Variants in SLC18A2 observed in about 807,000 individuals in gnomAD.
SLC18A2 encodes the protein synaptic vesicular amine transporter.
A neutral mutation model predicts 59.2 loss-of-function variants in SLC18A2; 33 were observed. The ratio of observed to expected loss-of-function variants is 0.56; its 90% CI spans 0.42 to 0.75. The LOEUF (loss-of-function observed/expected upper bound fraction) is 0.75, where lower values mean the gene tolerates loss of function less well. SLC18A2 is among the 30% of genes least tolerant of loss of function. The pLI, the probability that SLC18A2 is intolerant of heterozygous loss-of-function variation, is 0.00. For synonymous variants in SLC18A2, 228 were observed against 253.5 expected (o/e 0.90, Z 0.95); for missense variants, 569 against 668.6 (o/e 0.85, Z 1.64).
intron 15 of SLC18A2, among the ~76,000 whole-genome samples, chr10:117,273,522 C>T (rs1844450649): frequency 6.6e-6 from 1 of 152,158 alleles, no homozygotes; most frequent in Non-Finnish European, 1.5e-5. Context: ...GATAGTTGTT[C>T]CATAAAGCCC....
At chr10:117,242,978 C>T (rs149461310) in intron 2 of SLC18A2, among the ~76,000 whole-genome samples, 10,051 of 152,212 alleles carry the variant, frequency 0.066, 491 homozygotes, top group Admixed American at 0.16. Context: ...GTGATCTACC[C>T]GCCTCGACCT....
At chr10:117,258,992 C>T (rs1031682487) in intron 10 of SLC18A2, among the ~76,000 whole-genome samples, 1 of 152,132 alleles carries the variant, frequency 6.6e-6, no homozygotes, top group African/African-American at 2.4e-5. Context: ...CTTCCTAATA[C>T]AGTAGATGGG....
chr10:117,267,846 A>G, intron 13 of SLC18A2, 110 bp downstream of exon 13: 1 of 798,164 alleles, frequency 1.3e-6, no homozygotes, highest in East Asian at 2.6e-5. Context: ...AGAATCTTAG[A>G]AGGAGGCTGC....
At chr10:117,256,150 C>T (rs1279514790) in intron 9 of SLC18A2, among the ~76,000 whole-genome samples, 1 of 152,218 alleles carries the variant, frequency 6.6e-6, no homozygotes, top group Non-Finnish European at 1.5e-5. Flanking sequence ...TGCCGAGCAG[C>T]AGGGAGGCCG....
chr10:117,258,997 G>A (rs1333585024), intron 10 of SLC18A2, among the ~76,000 whole-genome samples: 1 of 152,118 alleles, frequency 6.6e-6, no homozygotes, highest in African/African-American at 2.4e-5. Flanking sequence ...TAATACAGTA[G>A]ATGGGGATTA....
intron 2 of SLC18A2, among the ~76,000 whole-genome samples, chr10:117,242,874 G>C (rs936851959): frequency 6.6e-6 from 1 of 152,012 alleles, no homozygotes; most frequent in Admixed American, 6.6e-5. Flanking sequence ...CTGGGTTACC[G>C]GCATGCCCCA....
In SLC18A2 at chr10:117,252,827, T is replaced by C. The variant is rs1396994040; in HGVS notation, c.465-572T>C. Among the ~76,000 whole-genome samples, 13 of 152,210 alleles carry C rather than the reference T, an allele frequency of 8.5e-5. No individual in the cohort carries two copies. The South Asian group carries it at 2.7e-3, about 32-fold the overall frequency. On this transcript the variant is annotated intron_variant, in intron 3 of 15. Coordinates refer to ENST00000644641, the MANE Select transcript of SLC18A2 (RefSeq NM_003054.6). ...AATGCCAGGGTCTTTCCACCAGCCC[T>C]GTTGACCTGGCGCCAGAGTCCTAGG...
chr10:117,267,041 T>A lies in SLC18A2; in HGVS notation c.1122+6T>A. ...TTGGAGTCAGCATTTTATGTGTGAG[T>A]AAAAGATGGCATTTGACAAGTGGGA... On this transcript the variant is annotated splice_donor_region_variant and intron_variant, in intron 12 of 15. Transcript: ENST00000644641. 1.9e-6 allele frequency: 3 copies of A among 1,610,078 alleles called. No homozygotes were observed. The highest frequency in any genetic ancestry group is 2.5e-6 in the Non-Finnish European group (3 of 1,177,302).
At chr10:117,252,547 C>A (rs1844176634) in intron 3 of SLC18A2, among the ~76,000 whole-genome samples, 1 of 152,186 alleles carries the variant, frequency 6.6e-6, no homozygotes, top group African/African-American at 2.4e-5. Context: ...CCTCATGCCC[C>A]ACCCACAGAG....
In SLC18A2 at chr10:117,278,838, T is replaced by G. The variant is rs769827779; in HGVS notation, c.*1572T>G. On this transcript the variant is annotated 3_prime_UTR_variant, in exon 16 of 16. Transcript: ENST00000644641. ...AACTTCCAACTCACTTATTTGGCATTGGGCAACTTGGCCAAGTCTGCCACT... is the reference window on the plus strand; with the variant it reads ...AACTTCCAACTCACTTATTTGGCATGGGGCAACTTGGCCAAGTCTGCCACT... The G allele has an allele frequency of 6.6e-6, 1 of 152,326 alleles. No homozygotes were observed. Among genetic ancestry groups the G allele is most frequent in the Non-Finnish European group, 1.5e-5 (1 of 68,038 alleles). 9.4% of individuals were successfully genotyped at this position (152,326 alleles called of 1,614,324 possible).
At chr10:117,264,519 A>G (rs777524044) in intron 10 of SLC18A2, among the ~76,000 whole-genome samples, 10 of 152,184 alleles carry the variant, frequency 6.6e-5, no homozygotes, top group Non-Finnish European at 1.3e-4. Context: ...GGATCTTCCA[A>G]TACTGGAACT....
chr10:117,276,574 A>T (rs1844493573), intron 15 of SLC18A2, among the ~76,000 whole-genome samples: 1 of 134,834 alleles, frequency 7.4e-6, no homozygotes, highest in Admixed American at 8.6e-5. Flanking sequence ...AGATCACAAC[A>T]CCGCACTCCA....
intron 2 of SLC18A2, among the ~76,000 whole-genome samples, chr10:117,242,611 G>T (rs376433652): frequency 6.6e-6 from 1 of 152,208 alleles, no homozygotes; most frequent in Non-Finnish European, 1.5e-5. Context: ...GCTCATCCCT[G>T]TTCAGTACCA....
rs60734542 is a variant in SLC18A2, at chr10:117,269,337, C to CATAA, written c.1187-731_1187-730insAATA. 0.95 allele frequency among the ~76,000 whole-genome samples: 144,933 copies of CATAA among 152,064 alleles called. 69,124 individuals are homozygous for CATAA. Among genetic ancestry groups the CATAA allele is most frequent in the East Asian group, 0.97 (5,027 of 5,172 alleles). On this transcript the variant is annotated intron_variant, in intron 13 of 15. Coordinates refer to ENST00000644641, the MANE Select transcript of SLC18A2 (RefSeq NM_003054.6). This position sits in a 1 kb window ranked among gnomAD's most constrained non-coding sequence, Gnocchi z 5.1. ...TACATATATACATATACATAATACA[C>CATAA]ATACACACATGCATACACACATATA... is the stretch of plus-strand genomic sequence containing the variant.
At chr10:117,270,543 T>C (rs145964729) in intron 15 of SLC18A2, 80 bp downstream of exon 15, 1 of 1,504,622 alleles carries the variant, frequency 6.6e-7, no homozygotes, top group East Asian at 2.3e-5. Flanking sequence ...ATGGTTTCAT[T>C]CTAAAGCCTT....
intron 10 of SLC18A2, among the ~76,000 whole-genome samples, chr10:117,258,850 T>A (rs935734949): frequency 4.0e-5 from 6 of 148,766 alleles, no homozygotes; most frequent in Non-Finnish European, 8.9e-5. Context: ...CACTGCAACC[T>A]CTGCCTCCCG....
At chr10:117,257,717 T>C in intron 9 of SLC18A2, 80 bp from the exon 10 acceptor site, 1 of 799,312 alleles carries the variant, frequency 1.3e-6, no homozygotes, top group African/African-American at 1.7e-5. Flanking sequence ...TTATCTGAGC[T>C]GTAGGCGCAT....
chr10:117,247,288 A>G (rs1482724652), intron 3 of SLC18A2, among the ~76,000 whole-genome samples: 1 of 152,170 alleles, frequency 6.6e-6, no homozygotes, highest in Non-Finnish European at 1.5e-5. Flanking sequence ...GTTTCTGATT[A>G]AAGAGTAGTT....
intron 3 of SLC18A2, among the ~76,000 whole-genome samples, chr10:117,252,894 G>A (rs572129625): frequency 1.3e-5 from 2 of 152,264 alleles, no homozygotes; most frequent in African/African-American, 4.8e-5. Flanking sequence ...TTGAAATTTT[G>A]CACAGAAAAT....
Sources: allele counts gnomAD v4.1 joint callset (sites outside exome capture counted in the v4.1 genomes callset), GRCh38; gene constraint gnomAD v4.1.1; non-coding constraint Gnocchi (gnomAD v3.1); transcripts MANE v1.5; gene names NCBI Gene and HGNC (gene_info 2026-07-23, HGNC 2026-07-21).